The following SEMA5A variants were observed in gnomAD, a reference collection of about 807,000 sequenced individuals.
The protein encoded by SEMA5A is semaphorin 5A, also known as semaphorin-5A.
SEMA5A carries 55 observed loss-of-function variants against 135.5 expected under a neutral mutation model. The observed-to-expected ratio is 0.41, with a 90% CI of 0.33 to 0.51. SEMA5A has a LOEUF of 0.51. Among genes scored for constraint, SEMA5A ranks in the 20% least tolerant of loss-of-function variants. SEMA5A has a pLI of 0.37. For synonymous variants in SEMA5A, 580 were observed against 546.5 expected, an observed-to-expected ratio of 1.06 and a Z score of -0.85; for missense variants, 1,290 against 1,419.9, an observed-to-expected ratio of 0.91 and a Z score of 1.47.
At chr5:9,174,300 C>T (rs980370634) in intron 11 of SEMA5A, among the ~76,000 whole-genome samples, 1 of 152,176 alleles carries the variant, frequency 6.6e-6, no homozygotes, top group Non-Finnish European at 1.5e-5. Flanking sequence ...GTGGGAACTG[C>T]AATATTGACA....
chr5:9,155,824 TA>T (rs1219262478), intron 11 of SEMA5A, among the ~76,000 whole-genome samples: 4 of 152,298 alleles, frequency 2.6e-5, no homozygotes, highest in Middle Eastern at 3.4e-3. Flanking sequence ...TATTTGTGTT[TA>T]AAAAAATACA....
At chr5:9,164,495 T>C (rs1206779028) in intron 11 of SEMA5A, among the ~76,000 whole-genome samples, 1 of 151,968 alleles carries the variant, frequency 6.6e-6, no homozygotes, top group African/African-American at 2.4e-5. Context: ...CCTTGTACTA[T>C]AACCTTGTAC....
At chr5:9,064,695 C>G (rs1215508041) in intron 17 of SEMA5A, among the ~76,000 whole-genome samples, 1 of 152,136 alleles carries the variant, frequency 6.6e-6, no homozygotes, top group Non-Finnish European at 1.5e-5. Context: ...CCACTGTACT[C>G]CAGCCTGGGC....
At position 9,545,135 on chromosome 5, in the gene SEMA5A, G is replaced by A. The variant is rs1334433092; in HGVS notation, c.-175+449C>T. On this transcript the variant is annotated intron_variant, in intron 1 of 22. Coordinates refer to ENST00000382496, the MANE Select transcript of SEMA5A (RefSeq NM_003966.3). The surrounding 1 kb of genome is among the most constrained non-coding windows in gnomAD (Gnocchi z 4.5). ...GAAAGCAGGAAAACCTGCCCAAGCC[G>A]GTGGGGCTGCGAGGTGGCCGCTCCC... Among the ~76,000 whole-genome samples, 1 of 152,130 alleles carries A rather than the reference G, an allele frequency of 6.6e-6. No individual in the cohort carries two copies. Among genetic ancestry groups the A allele is most frequent in the African/African-American group, 2.4e-5 (1 of 41,440 alleles).
chr5:9,460,483 T>C (rs1759014812), intron 1 of SEMA5A, among the ~76,000 whole-genome samples: 1 of 152,138 alleles, frequency 6.6e-6, no homozygotes, highest in Non-Finnish European at 1.5e-5. Context: ...TGAATTAATT[T>C]AAACATAATT....
intron 3 of SEMA5A, among the ~76,000 whole-genome samples, chr5:9,372,446 A>G (rs1010656174): frequency 1.3e-5 from 2 of 152,130 alleles, no homozygotes; most frequent in East Asian, 2.0e-4. Context: ...TGGGACACAC[A>G]TGGAGCCATG....
chr5:9,118,938 C>T (rs1282489029), intron 15 of SEMA5A, 60 bp downstream of exon 15: 5 of 1,579,546 alleles, frequency 3.2e-6, no homozygotes, highest in Non-Finnish European at 4.3e-6. Context: ...GGGAACTCGA[C>T]CTGGCCGGAA....
chr5:9,332,563 G>A (rs1380067941), intron 4 of SEMA5A, among the ~76,000 whole-genome samples: 2 of 150,982 alleles, frequency 1.3e-5, no homozygotes, highest in Admixed American at 6.6e-5. Context: ...ATGCAGCTAT[G>A]GGCTGCTACT....
chr5:9,105,678 C>T (rs1231586306), intron 16 of SEMA5A, among the ~76,000 whole-genome samples: 4 of 152,132 alleles, frequency 2.6e-5, no homozygotes, highest in African/African-American at 4.8e-5. Context: ...AAACCATCAC[C>T]GCCTTCTCCA....
intron 2 of SEMA5A, among the ~76,000 whole-genome samples, chr5:9,428,335 T>C (rs1287925588): frequency 2.0e-5 from 3 of 152,170 alleles, no homozygotes; most frequent in Non-Finnish European, 2.9e-5. Context: ...AGTCATGCTG[T>C]GCTGCGCTAT....
At chr5:9,203,684 G>C (rs1022344526) in intron 8 of SEMA5A, among the ~76,000 whole-genome samples, 1 of 152,120 alleles carries the variant, frequency 6.6e-6, no homozygotes, top group Non-Finnish European at 1.5e-5. Flanking sequence ...AATGGTTTAT[G>C]TATGATACTT....
At chr5:9,531,253 G>A (rs143462652) in intron 1 of SEMA5A, among the ~76,000 whole-genome samples, 8 of 152,310 alleles carry the variant, frequency 5.3e-5, no homozygotes, top group Non-Finnish European at 1.2e-4. Context: ...TGAAAAGGAA[G>A]ACTGTAAATA....
intron 3 of SEMA5A, among the ~76,000 whole-genome samples, chr5:9,353,317 A>ATGAAAGGAAAGGAAAG (rs1261140956): frequency 7.5e-5 from 4 of 53,468 alleles, no homozygotes; most frequent in Non-Finnish European, 1.5e-4. Context: ...GGGAAGGGAA[A>ATGAAAGGAAAGGAAAG]GGAAGGAAAG....
rs192221495 is a variant in SEMA5A at position 9,521,255 on chromosome 5, A to T, written c.-175+24329T>A. ...CGAAACCCCATCTCTACTAAAATTT[A>T]AAAAATTAGCCGGGCGTGGTGGCGC... On this transcript the variant is annotated intron_variant, in intron 1 of 22. Coordinates refer to ENST00000382496, the MANE Select transcript of SEMA5A (RefSeq NM_003966.3). Among the ~76,000 whole-genome samples, 389 of 152,230 alleles carry T rather than the reference A, an allele frequency of 2.6e-3. 2 individuals carry two copies. The highest frequency in any genetic ancestry group is 9.0e-3 in the African/African-American group (375 of 41,538).
intron 16 of SEMA5A, among the ~76,000 whole-genome samples, chr5:9,076,868 T>TTGTGTGTG (rs70943938): frequency 0.024 from 3,393 of 144,044 alleles, 91 homozygotes; most frequent in African/African-American, 0.06. Flanking sequence ...ATTACGATCT[T>TTGTGTGTG]TGTGTGTGTG....
At chr5:9,045,658 G>C (rs1453731563) in intron 21 of SEMA5A, 1 of 152,114 alleles carries the variant, frequency 6.6e-6, no homozygotes, top group Admixed American at 6.6e-5. Context: ...TGAAGGTCTT[G>C]TCAAGAAAAT....
chr5:9,540,776 G>A (rs1412841212), intron 1 of SEMA5A, among the ~76,000 whole-genome samples: 2 of 152,184 alleles, frequency 1.3e-5, no homozygotes, highest in Non-Finnish European at 2.9e-5. Flanking sequence ...TGGGGGCACT[G>A]GCAGGAGTCA....
chr5:9,126,315 T>A (rs1366267139), intron 13 of SEMA5A, among the ~76,000 whole-genome samples: 6 of 152,046 alleles, frequency 3.9e-5, no homozygotes, highest in Non-Finnish European at 7.4e-5. Flanking sequence ...CTCCTGCCCA[T>A]GCCTCTCATT....
Position 9,301,911 on chromosome 5 carries a change from T to C in SEMA5A, c.270+16461A>G, listed in dbSNP as rs1377479424. ...GAGAGAAGTCAGAAATCAGTATCAA[T>C]GGGCCAAACTCAAGGTGGTAGCAGA... On this transcript the variant is annotated intron_variant, in intron 5 of 22. Transcript: ENST00000382496. Among the ~76,000 whole-genome samples the C allele has an allele frequency of 3.9e-5, 6 of 152,056 alleles. No homozygotes were observed. In the South Asian group the frequency reaches 1.0e-3, roughly 26 times the overall value.
Sources: gnomAD v4.1 joint callset for allele counts (sites outside exome capture counted in the v4.1 genomes callset) on GRCh38, gnomAD v4.1.1 for gene constraint, Gnocchi (gnomAD v3.1) non-coding constraint, MANE v1.5 for transcripts, NCBI Gene and HGNC (gene_info 2026-07-23, HGNC 2026-07-21) for gene names.